Variants in RNF10 observed in about 807,000 individuals in gnomAD.
RNF10 encodes ring finger protein 10.
A neutral mutation model predicts 91.4 loss-of-function variants in RNF10; 38 were observed. The observed-to-expected ratio is 0.42, with a 90% CI of 0.32 to 0.54. The LOEUF (loss-of-function observed/expected upper bound fraction) is 0.54, where lower values mean the gene tolerates loss of function less well. Among genes scored for constraint, RNF10 ranks in the 20% least tolerant of loss-of-function variants. The probability of loss-of-function intolerance (pLI) is 0.16; values close to 1 mark genes in which losing one functional copy is unlikely to be tolerated. For synonymous variants in RNF10, 364 were observed against 366.3 expected (o/e 0.99, Z 0.07); for missense variants, 945 against 1,012.0 (o/e 0.93, Z 0.90).
chr12:120,536,722 G>A (rs1870867820), intron 1 of RNF10, among the ~76,000 whole-genome samples: 1 of 152,154 alleles, frequency 6.6e-6, no homozygotes, highest in African/African-American at 2.4e-5. Flanking sequence ...CAATTGATAA[G>A]TAAGTTTATT....
At chr12:120,548,534 A>G (rs1231255583) in intron 2 of RNF10, among the ~76,000 whole-genome samples, 1 of 152,056 alleles carries the variant, frequency 6.6e-6, no homozygotes, top group East Asian at 1.9e-4. Flanking sequence ...GATTGGAGAG[A>G]ATAGGAGGAT....
At chr12:120,556,130 G>A (rs1478093236) in intron 4 of RNF10, among the ~76,000 whole-genome samples, 1 of 152,142 alleles carries the variant, frequency 6.6e-6, no homozygotes, top group East Asian at 1.9e-4. Flanking sequence ...TTCTACTGAA[G>A]TTATAAACTC....
intron 1 of RNF10, among the ~76,000 whole-genome samples, 161 bp from the exon 2 acceptor site, chr12:120,546,244 G>T (rs1565948147): frequency 6.6e-6 from 1 of 152,170 alleles, no homozygotes; most frequent in Non-Finnish European, 1.5e-5. Context: ...ACTCTACTAT[G>T]TGTTGTCTTG....
chr12:120,539,291 TA>T (rs1169502136), intron 1 of RNF10: 2 of 687,754 alleles, frequency 2.9e-6, no homozygotes, highest in Admixed American at 2.4e-5. Context: ...AAGCTTTGTA[TA>T]ATCACACTTA....
chr12:120,575,413 A>G (rs1326598614), intron 14 of RNF10: 4 of 558,962 alleles, frequency 7.2e-6, no homozygotes. Flanking sequence ...AGGAACAAAC[A>G]GCTTATGGTT....
intron 1 of RNF10, among the ~76,000 whole-genome samples, chr12:120,539,831 C>T (rs554137645): frequency 1.3e-5 from 2 of 151,932 alleles, no homozygotes; most frequent in African/African-American, 4.8e-5. Context: ...ATCAGAATCT[C>T]CTCAGGAACT....
chr12:120,558,836 C>T (rs1215352345), intron 6 of RNF10, among the ~76,000 whole-genome samples: 1 of 151,714 alleles, frequency 6.6e-6, no homozygotes, highest in African/African-American at 2.4e-5. Flanking sequence ...TCCCAAAGTG[C>T]TGGGATTACA....
chr12:120,570,593 C>T (rs1381088100), intron 13 of RNF10, among the ~76,000 whole-genome samples: 1 of 152,080 alleles, frequency 6.6e-6, no homozygotes, highest in Non-Finnish European at 1.5e-5. Context: ...AGAATAGGGC[C>T]CCTCTCGTCC....
chr12:120,560,897 G>T lies in RNF10; in HGVS notation c.1128+11G>T. The T allele has an allele frequency of 6.2e-7, 1 of 1,613,008 alleles. No individual in the cohort carries two copies. Among genetic ancestry groups the T allele is most frequent in the Non-Finnish European group, 8.5e-7 (1 of 1,179,282 alleles). The stretch of plus-strand genomic sequence containing the variant: ...ATCCAGGAGCTCAAGGTGAGAGGAT[G>T]CATTGGAGATGCTAAACCTTTTCAC... On this transcript the variant is annotated intron_variant, in intron 7 of 16. Coordinates refer to ENST00000325954, the MANE Select transcript of RNF10 (RefSeq NM_014868.5).
rs185391012 is a variant in RNF10, at chr12:120,536,379, A to T, written c.157+1411A>T. Among the ~76,000 whole-genome samples the T allele has an allele frequency of 2.3e-3, 347 of 152,294 alleles. 1 individual carries two copies. Among genetic ancestry groups the T allele is most frequent in the African/African-American group, 8.1e-3 (337 of 41,550 alleles). ...AGTTGAGGCTGCGGTGAGCTATATC[A>T]CGATACTGCATACCATCCAGCCTGG... is the stretch of plus-strand genomic sequence containing the variant. On this transcript the variant is annotated intron_variant, in intron 1 of 16. Coordinates refer to ENST00000325954, the MANE Select transcript of RNF10 (RefSeq NM_014868.5).
At chr12:120,571,666 T>A (rs1444977383) in intron 14 of RNF10, among the ~76,000 whole-genome samples, 3 of 152,210 alleles carry the variant, frequency 2.0e-5, no homozygotes, top group African/African-American at 7.2e-5. Context: ...GAGTTTAGAA[T>A]ATTTTAAAAA....
At chr12:120,565,720 A>C (rs531527033) in intron 12 of RNF10, among the ~76,000 whole-genome samples, 191 bp downstream of exon 12, 29 of 152,358 alleles carry the variant, frequency 1.9e-4, no homozygotes, top group Middle Eastern at 6.8e-3. Context: ...TGCCTAGCAC[A>C]TAGTAAGGAT....
rs775740926 is a variant in RNF10, at chr12:120,546,452, C to A, written c.205C>A (p.Leu69Ile). The change falls in exon 2 of 17, where the codon CTT becomes ATT. Residue 69 changes from leucine (L) to isoleucine (I), a missense_variant. Physicochemically the swap from Leu to Ile is conservative, Grantham distance 5. Coordinates refer to ENST00000325954, the MANE Select transcript of RNF10 (RefSeq NM_014868.5). Reference sequence around the variant, plus strand: ...CAAGCGTTATAATCGCAAACGTGAACTTTCCTACCCCAAAAATGAAAGTTT... The same window carrying A: ...CAAGCGTTATAATCGCAAACGTGAAATTTCCTACCCCAAAAATGAAAGTTT... ...GSKRYNRKRELSYPKNESFNN... is the reference protein window; with the variant it reads ...GSKRYNRKREISYPKNESFNN... 1.1e-4 allele frequency: 171 copies of A among 1,613,952 alleles called. No homozygotes were observed. Among genetic ancestry groups the A allele is most frequent in the Non-Finnish European group, 1.4e-4 (166 of 1,180,000 alleles).
chr12:120,576,782 G>A lies in RNF10; in HGVS notation c.*116G>A, dbSNP rs368045439. The A allele has an allele frequency of 2.9e-6, 4 of 1,400,916 alleles. No homozygotes were observed. In the East Asian group the frequency reaches 7.3e-5, roughly 25 times the overall value. 86.8% of individuals were successfully genotyped at this position (1,400,916 alleles called of 1,614,324 possible). The stretch of plus-strand genomic sequence containing the variant: ...ATTTGAGTTTGAACAGATTAGCTCT[G>A]GGGGGAGGGGGTTTCCACAATGTGA... On this transcript the variant is annotated 3_prime_UTR_variant, in exon 17 of 17. Coordinates refer to ENST00000325954, the MANE Select transcript of RNF10 (RefSeq NM_014868.5).
intron 1 of RNF10, among the ~76,000 whole-genome samples, chr12:120,541,452 T>TG (rs1871552693): frequency 6.6e-6 from 1 of 151,220 alleles, no homozygotes; most frequent in African/African-American, 2.4e-5. Context: ...TTTTTTTTTT[T>TG]GAGACGGAGT....
intron 2 of RNF10, among the ~76,000 whole-genome samples, chr12:120,550,205 G>T (rs1185252756): frequency 6.6e-6 from 1 of 152,120 alleles, no homozygotes; most frequent in Non-Finnish European, 1.5e-5. Flanking sequence ...TGTAGCTACT[G>T]GCTGCTGTGT....
chr12:120,570,950 T>G (rs1876524661), intron 13 of RNF10, among the ~76,000 whole-genome samples: 1 of 152,198 alleles, frequency 6.6e-6, no homozygotes, highest in Non-Finnish European at 1.5e-5. Context: ...TACCATGACT[T>G]CTAGAGTTAC....
At chr12:120,542,328 A>T (rs766477414) in intron 1 of RNF10, among the ~76,000 whole-genome samples, 1 of 151,838 alleles carries the variant, frequency 6.6e-6, no homozygotes, top group Admixed American at 6.6e-5. Context: ...TAATTTTTAA[A>T]TTTTTTGTAG....
rs761962636 is a variant in RNF10, at chr12:120,552,717, CAG to C, written c.554+22_554+23del. Reference sequence around the variant, plus strand: ...AGGCCAAGTGAGTATTGCTACCCCTCAGAGGAAAGGGAAAGTAGGACTCTCCG... The same window carrying C: ...AGGCCAAGTGAGTATTGCTACCCCTCAGGAAAGGGAAAGTAGGACTCTCCG... On this transcript the variant is annotated intron_variant, in intron 3 of 16. Coordinates refer to ENST00000325954, the MANE Select transcript of RNF10 (RefSeq NM_014868.5). 7 of 1,608,906 alleles carry C rather than the reference CAG, an allele frequency of 4.4e-6. No individual in the cohort carries two copies. In the East Asian group the frequency reaches 6.7e-5, roughly 15 times the overall value.
Sources: allele counts gnomAD v4.1 joint callset (sites outside exome capture counted in the v4.1 genomes callset), GRCh38; gene constraint gnomAD v4.1.1; transcripts MANE v1.5; gene names NCBI Gene and HGNC (gene_info 2026-07-23, HGNC 2026-07-21).